PCDHA7: variants seen among roughly 807,000 people sequenced by gnomAD.
The protein encoded by PCDHA7 is protocadherin alpha 7.
In PCDHA7, 37 loss-of-function variants were observed where a neutral mutation model predicts 57.2. The ratio of observed to expected loss-of-function variants is 0.65; its 90% confidence interval spans 0.50 to 0.85. The LOEUF is 0.85. PCDHA7 is among the 40% of genes least tolerant of loss of function. The pLI, the probability that PCDHA7 is intolerant of heterozygous loss-of-function variation, is 0.00. For missense variants in PCDHA7, 1,188 were observed against 1,241.8 expected (o/e 0.96, Z 0.65); for synonymous variants, 553 against 558.8 (o/e 0.99, Z 0.15).
chr5:141,001,286 A>G (rs1375093882), intron 3 of PCDHA7, among the ~76,000 whole-genome samples: 1 of 152,160 alleles, frequency 6.6e-6, no homozygotes, highest in Non-Finnish European at 1.5e-5. Context: ...TACGGATGAA[A>G]ACTGAGGCCC....
At chr5:140,857,691 T>C (rs189067845) in intron 1 of PCDHA7, 2 of 1,597,004 alleles carry the variant, frequency 1.3e-6, no homozygotes, top group Non-Finnish European at 1.7e-6. Context: ...GGCAGCAACT[T>C]GACGCTGCAG....
intron 1 of PCDHA7, chr5:140,860,177 G>A (rs1218765460): frequency 6.7e-6 from 1 of 148,372 alleles, no homozygotes; most frequent in Admixed American, 6.7e-5. Flanking sequence ...ATATATATAT[G>A]ATGGGCTCTC....
Position 140,842,669 on chromosome 5 carries a change from G to A in PCDHA7, c.2355+5931G>A, listed in dbSNP as rs1554139258. 2.5e-6 allele frequency: 4 copies of A among 1,595,384 alleles called. No homozygotes were observed. The highest frequency in any genetic ancestry group is 3.4e-5 in the Admixed American group (2 of 59,244). ...GTCTGTGGAGGTGGCCGACGTGAAC[G>A]ACAATGCTCCGGCGTTCGCGCAGCC... On this transcript the variant is annotated intron_variant, in intron 1 of 3. Transcript: ENST00000525929.
At chr5:140,968,017 C>A in intron 1 of PCDHA7, 1 of 1,614,216 alleles carries the variant, frequency 6.2e-7, no homozygotes, top group South Asian at 1.1e-5. Flanking sequence ...GCTTTGGAAA[C>A]TCCTATACAC....
intron 3 of PCDHA7, among the ~76,000 whole-genome samples, chr5:140,985,932 G>A (rs1554247524): frequency 6.6e-6 from 1 of 151,798 alleles, no homozygotes; most frequent in African/African-American, 2.4e-5. Flanking sequence ...GTAGAGCCGG[G>A]GTTTCACTGT....
chr5:140,969,140 T>G, intron 1 of PCDHA7: 1 of 1,613,980 alleles, frequency 6.2e-7, no homozygotes, highest in Non-Finnish European at 8.5e-7. Flanking sequence ...CAAGACCTAC[T>G]GCTACAAGGC....
At chr5:140,972,344 C>T (rs1379310170) in intron 1 of PCDHA7, among the ~76,000 whole-genome samples, 26 of 151,148 alleles carry the variant, frequency 1.7e-4, no homozygotes, top group African/African-American at 6.3e-4. Context: ...AGATGGGGGT[C>T]TCACTATGTT....
At chr5:140,929,228 A>G in intron 1 of PCDHA7, 1 of 1,613,898 alleles carries the variant, frequency 6.2e-7, no homozygotes, top group Non-Finnish European at 8.5e-7. Flanking sequence ...AATGCTGCCG[A>G]CCTGCGAAAT....
At position 140,835,435 on chromosome 5, in the gene PCDHA7, C is replaced by G. The variant is rs782068094; in HGVS notation, c.1052C>G (p.Thr351Ser). Residue 351 changes from threonine (T) to serine (S), a missense_variant, in exon 1 of 4, where the codon ACT (threonine) becomes AGT (serine). Around this residue, in one of 3 missense-constraint regions of PCDHA7, gnomAD observed 892 missense variants for 788.5 expected, o/e 1.13. Transcript: ENST00000525929. ...GTAAATGACAATGCTCCACAGTTGACTCTCACTTCCCTGTCTCTCCCTATT... is the reference window on the plus strand; with the variant it reads ...GTAAATGACAATGCTCCACAGTTGAGTCTCACTTCCCTGTCTCTCCCTATT... ...VDVNDNAPQL[T>S]LTSLSLPIPE... 1 of 1,613,788 alleles carries G rather than the reference C, an allele frequency of 6.2e-7. No individual in the cohort carries two copies. The highest frequency in any genetic ancestry group is 8.5e-7 in the Non-Finnish European group (1 of 1,179,870).
intron 1 of PCDHA7, among the ~76,000 whole-genome samples, chr5:140,902,264 C>G (rs1187258512): frequency 6.8e-6 from 1 of 147,240 alleles, no homozygotes; most frequent in Admixed American, 6.9e-5. Context: ...TCTCGAACTC[C>G]TGGGCTCAAG....
In PCDHA7 at chr5:140,876,868, G is replaced by C. The variant is rs563777938; in HGVS notation, c.2355+40130G>C. On this transcript the variant is annotated intron_variant, in intron 1 of 3. Coordinates refer to ENST00000525929, the MANE Select transcript of PCDHA7 (RefSeq NM_018910.3). ...GCCCGAGTACACAGTGTTCGTGAAG[G>C]AGAACAACCCGCCGGGCTGCCACAT... is the stretch of plus-strand genomic sequence containing the variant. 6 of 1,614,160 alleles carry C rather than the reference G, an allele frequency of 3.7e-6. No homozygotes were observed. In the East Asian group the frequency reaches 1.3e-4, roughly 36 times the overall value.
At chr5:140,960,186 G>A (rs2153724328) in intron 1 of PCDHA7, among the ~76,000 whole-genome samples, 1 of 152,260 alleles carries the variant, frequency 6.6e-6, no homozygotes, top group East Asian at 1.9e-4. Flanking sequence ...GGGGTTGCAT[G>A]TGTAGTGGTC....
intron 1 of PCDHA7, among the ~76,000 whole-genome samples, chr5:140,949,517 C>T (rs2094387959): frequency 6.6e-6 from 1 of 151,706 alleles, no homozygotes; most frequent in African/African-American, 2.4e-5. Context: ...TTTATTGATC[C>T]TTTTATCTTC....
At position 140,913,388 on chromosome 5, in the gene PCDHA7, G is replaced by A. The variant is rs180918053; in HGVS notation, c.2356-65561G>A. On this transcript the variant is annotated intron_variant, in intron 1 of 3. Coordinates refer to ENST00000525929, the MANE Select transcript of PCDHA7 (RefSeq NM_018910.3). ...TATTGGCATATAGTGGCTCATCATAGCCACTAATGATCCTTTGAATTCCTG... is the reference window on the plus strand; with the variant it reads ...TATTGGCATATAGTGGCTCATCATAACCACTAATGATCCTTTGAATTCCTG... Among the ~76,000 whole-genome samples, 155 of 152,188 alleles carry A rather than the reference G, an allele frequency of 1.0e-3. 2 individuals are homozygous for A. The highest frequency in any genetic ancestry group is 3.7e-3 in the African/African-American group (152 of 41,534).
intron 1 of PCDHA7, chr5:140,857,918 G>A: frequency 3.1e-6 from 5 of 1,597,824 alleles, no homozygotes; most frequent in Non-Finnish European, 4.3e-6. Context: ...GTTTCGCGTG[G>A]GGCTGTACAC....
At chr5:140,960,515 A>G (rs1445432467) in intron 1 of PCDHA7, among the ~76,000 whole-genome samples, 1 of 152,182 alleles carries the variant, frequency 6.6e-6, no homozygotes, top group Non-Finnish European at 1.5e-5. Flanking sequence ...AGCAAACATA[A>G]TGGGTATAGG....
At chr5:140,927,678 A>G in intron 1 of PCDHA7, 1 of 1,614,180 alleles carries the variant, frequency 6.2e-7, no homozygotes, top group Non-Finnish European at 8.5e-7. Context: ...ATCCAGATGA[A>G]GGGTCCAATG....
In PCDHA7 at chr5:140,835,602, T is replaced by C; in HGVS notation, c.1219T>C (p.Leu407=). The C allele has an allele frequency of 1.2e-6, 2 of 1,613,930 alleles. No individual in the cohort carries two copies. Among genetic ancestry groups the C allele is most frequent in the South Asian group, 1.1e-5 (1 of 91,078 alleles). The part of the protein sequence containing the change: ...LVSTFKNYYS[L]VLDSALDRES... ...GTCCACCTTCAAGAATTACTATTCA[T>C]TGGTGCTGGACAGCGCTCTGGACCG... is the stretch of plus-strand genomic sequence containing the variant. Residue 407 remains leucine, a synonymous_variant, in exon 1 of 4, where the codon TTG becomes CTG. Transcript: ENST00000525929.
chr5:140,857,611 G>C, intron 1 of PCDHA7: 2 of 1,596,436 alleles, frequency 1.3e-6, no homozygotes, highest in Non-Finnish European at 1.7e-6. Flanking sequence ...CGCTGCAGCC[G>C]CTGGACCACG....
Sources: allele counts gnomAD v4.1 joint callset (sites outside exome capture counted in the v4.1 genomes callset), GRCh38; gene constraint gnomAD v4.1.1; regional missense constraint gnomAD v4.1.1; transcripts MANE v1.5; gene names NCBI Gene and HGNC (gene_info 2026-07-23, HGNC 2026-07-21).